The following ADAM32 variants were observed in gnomAD, a reference collection of about 807,000 sequenced individuals.
ADAM32 encodes the protein disintegrin and metalloproteinase domain-containing protein 32.
ADAM32 carries 89 observed loss-of-function variants against 114.9 expected under a neutral mutation model. The observed-to-expected ratio is 0.77, with a 90% CI of 0.65 to 0.92. The LOEUF is 0.92. Among genes scored for constraint, ADAM32 ranks in the 40% least tolerant of loss-of-function variants. The pLI is 0.00. For synonymous variants in ADAM32, 285 were observed against 307.5 expected (o/e 0.93, Z 0.77); for missense variants, 870 against 932.8 (o/e 0.93, Z 0.88).
intron 14 of ADAM32, chr8:39,223,986 TCTGA>T (rs1426747230): frequency 6.6e-6 from 1 of 152,204 alleles, no homozygotes; most frequent in South Asian, 2.1e-4. Flanking sequence ...TCCTCCTTAC[TCTGA>T]CTGAATAATA....
intron 9 of ADAM32, chr8:39,167,537 G>A (rs1294700963): frequency 6.6e-6 from 1 of 152,082 alleles, no homozygotes; most frequent in Non-Finnish European, 1.5e-5. Flanking sequence ...CTGTTTTTAG[G>A]TTCCATATGA....
At chr8:39,260,607 G>C (rs1811961666) in intron 19 of ADAM32, among the ~76,000 whole-genome samples, 1 of 152,092 alleles carries the variant, frequency 6.6e-6, no homozygotes, top group South Asian at 2.1e-4. Context: ...AATCCCACTT[G>C]ATCATGGTGT....
chr8:39,133,034 T>C, intron 2 of ADAM32, among the ~76,000 whole-genome samples: 1 of 152,246 alleles, frequency 6.6e-6, no homozygotes, highest in Admixed American at 6.5e-5. Context: ...TTTTGGCCAT[T>C]ATTTGTTCAA....
intron 12 of ADAM32, among the ~76,000 whole-genome samples, chr8:39,217,318 T>C (rs1488905138): frequency 4.6e-5 from 7 of 152,120 alleles, no homozygotes; most frequent in Non-Finnish European, 8.8e-5. Context: ...AGGAGTTTGA[T>C]TATTAAATGC....
chr8:39,118,683 A>G (rs1035187929), intron 2 of ADAM32, among the ~76,000 whole-genome samples: 5 of 152,232 alleles, frequency 3.3e-5, no homozygotes, highest in Admixed American at 1.3e-4. Context: ...TTTAAAAAAA[A>G]GAAATATAAT....
intron 11 of ADAM32, among the ~76,000 whole-genome samples, chr8:39,201,056 G>A (rs956905452): frequency 8.0e-4 from 122 of 152,270 alleles, no homozygotes; most frequent in Non-Finnish European, 6.9e-4. Flanking sequence ...GTCAGGTAGC[G>A]TGATGCCTCC....
intron 9 of ADAM32, chr8:39,169,084 C>A (rs117415437): frequency 3.3e-5 from 5 of 152,042 alleles, no homozygotes; most frequent in African/African-American, 1.2e-4. Flanking sequence ...AGAGGCAGTG[C>A]GATTGTGAAG....
intron 1 of ADAM32, among the ~76,000 whole-genome samples, chr8:39,110,330 C>CA (rs1202933793): frequency 6.6e-6 from 1 of 152,206 alleles, no homozygotes; most frequent in East Asian, 1.9e-4. Flanking sequence ...CTTGGCCTCC[C>CA]AAAGTGCTAG....
chr8:39,186,257 A>G (rs1449125025), intron 10 of ADAM32, among the ~76,000 whole-genome samples: 4 of 152,228 alleles, frequency 2.6e-5, no homozygotes, highest in African/African-American at 7.2e-5. Flanking sequence ...CTCCTCCTGC[A>G]TCATATCCTA....
intron 2 of ADAM32, among the ~76,000 whole-genome samples, chr8:39,122,490 C>T (rs549781854): frequency 2.0e-4 from 30 of 152,238 alleles, no homozygotes; most frequent in Non-Finnish European, 1.2e-4. Flanking sequence ...ACCTACACGC[C>T]GTAAAGAGAG....
intron 14 of ADAM32, among the ~76,000 whole-genome samples, chr8:39,228,428 A>G (rs1809535383): frequency 6.6e-6 from 1 of 152,230 alleles, no homozygotes; most frequent in African/African-American, 2.4e-5. Context: ...GAAATCCAAA[A>G]AATGATACAA....
At chr8:39,112,140 A>T (rs150174440) in intron 1 of ADAM32, among the ~76,000 whole-genome samples, 142 of 152,298 alleles carry the variant, frequency 9.3e-4, no homozygotes, top group African/African-American at 3.3e-3. Flanking sequence ...TTTTAAAGAA[A>T]ACGACTATGT....
intron 11 of ADAM32, among the ~76,000 whole-genome samples, chr8:39,194,497 G>A (rs1806826348): frequency 6.6e-6 from 1 of 152,150 alleles, no homozygotes; most frequent in Non-Finnish European, 1.5e-5. Context: ...GGTGGCCATG[G>A]GTGAGTGTGT....
At chr8:39,140,654 G>A (rs1287241429) in intron 3 of ADAM32, among the ~76,000 whole-genome samples, 3 of 152,166 alleles carry the variant, frequency 2.0e-5, no homozygotes, top group African/African-American at 7.2e-5. Flanking sequence ...GTATCAGGAT[G>A]ATGCTGGCCT....
At chr8:39,161,367 A>G (rs995528841) in intron 7 of ADAM32, among the ~76,000 whole-genome samples, 2 of 152,242 alleles carry the variant, frequency 1.3e-5, no homozygotes, top group African/African-American at 2.4e-5. Flanking sequence ...TAGTATAACT[A>G]TCTACTAGAA....
At chr8:39,193,818 A>G (rs1328878104) in intron 11 of ADAM32, among the ~76,000 whole-genome samples, 3 of 152,072 alleles carry the variant, frequency 2.0e-5, no homozygotes, top group Non-Finnish European at 2.9e-5. Context: ...TGGGACTAGT[A>G]TCATGCCCCA....
At chr8:39,210,743 T>G (rs10108700) in intron 11 of ADAM32, among the ~76,000 whole-genome samples, 37,395 of 152,082 alleles carry the variant, frequency 0.25, 4,958 homozygotes, top group Non-Finnish European at 0.29. Flanking sequence ...AATATACACT[T>G]TTTTTCTGAG....
At chr8:39,176,678 G>A (rs1317515355) in intron 10 of ADAM32, among the ~76,000 whole-genome samples, 3 of 152,160 alleles carry the variant, frequency 2.0e-5, no homozygotes, top group Non-Finnish European at 2.9e-5. Flanking sequence ...TTTGGGTGGA[G>A]ATTTCTGTAG....
chr8:39,242,644 C>T (rs1810638918), intron 16 of ADAM32, among the ~76,000 whole-genome samples: 1 of 152,258 alleles, frequency 6.6e-6, no homozygotes, highest in East Asian at 1.9e-4. Flanking sequence ...AATTACCTCC[C>T]ACTGGTTACC....
Sources: gnomAD v4.1 joint callset for allele counts (sites outside exome capture counted in the v4.1 genomes callset) on GRCh38, gnomAD v4.1.1 for gene constraint, MANE v1.5 for transcripts, NCBI Gene and HGNC (gene_info 2026-07-23, HGNC 2026-07-21) for gene names.